Variants in DHRS4L2 observed in about 807,000 individuals in gnomAD.
DHRS4L2 encodes the protein dehydrogenase/reductase SDR family member 4-like 2.
Under a neutral mutation model 23.9 loss-of-function variants are expected in DHRS4L2, and 22 were observed. That is an observed-to-expected ratio of 0.92 (90% CI 0.66 to 1.31). DHRS4L2 has a LOEUF of 1.31. Among genes scored for constraint, DHRS4L2 ranks in the 40% most tolerant of loss-of-function variants. DHRS4L2 has a pLI of 0.00. For missense variants in DHRS4L2, 385 were observed against 303.3 expected, an observed-to-expected ratio of 1.27 and a Z score of -2.00; for synonymous variants, 141 against 123.7, an observed-to-expected ratio of 1.14 and a Z score of -0.93.
At chr14:23,992,962 G>A (rs1486718154) in intron 2 of DHRS4L2, among the ~76,000 whole-genome samples, 4 of 147,564 alleles carry the variant, frequency 2.7e-5, no homozygotes, top group African/African-American at 1.0e-4. Flanking sequence ...TTATAGGTGT[G>A]AGCCACCACA....
At chr14:23,987,972 A>T (rs2034185187), upstream of DHRS4L2, among the ~76,000 whole-genome samples, 1 of 151,708 alleles carries the variant, frequency 6.6e-6, no homozygotes, top group Admixed American at 6.6e-5. Flanking sequence ...GTGGAGACTG[A>T]AGTCTTGGAC....
In DHRS4L2 at chr14:23,997,869, G is replaced by A. The variant is rs1174960440; in HGVS notation, c.408+2736G>A. Among the ~76,000 whole-genome samples, 3 of 151,766 alleles carry A rather than the reference G, an allele frequency of 2.0e-5. 1 individual carries two copies. The highest frequency in any genetic ancestry group is 4.2e-4 in the South Asian group (2 of 4,784). On this transcript the variant is annotated intron_variant, in intron 3 of 7. Coordinates refer to ENST00000335125, the MANE Select transcript of DHRS4L2 (RefSeq NM_198083.4). ...CCCATGAATCACAAATATTCTTAAT[G>A]GCATCTAAAATGGTGCATCCTTTAC...
At chr14:23,994,559 G>C (rs371563000) in intron 2 of DHRS4L2, among the ~76,000 whole-genome samples, 2 of 151,380 alleles carry the variant, frequency 1.3e-5, no homozygotes, top group Non-Finnish European at 2.9e-5. Flanking sequence ...GTGGTGGCAC[G>C]CACTTCTACT....
At chr14:23,984,186 A>T (rs1248025317), upstream of DHRS4L2, among the ~76,000 whole-genome samples, 1 of 151,560 alleles carries the variant, frequency 6.6e-6, no homozygotes, top group Non-Finnish European at 1.5e-5. Context: ...TGTATAGGAA[A>T]CTTCTGGAAA....
In DHRS4L2 at chr14:24,001,484, A is replaced by T; in HGVS notation, c.632A>T (p.His211Leu). The change falls in exon 6 of 8, where the codon CAC becomes CTC. Residue 211 changes from histidine (H) to leucine (L), a missense_variant. By Grantham distance (99) the His-to-Leu change is moderately conservative. Coordinates refer to ENST00000335125, the MANE Select transcript of DHRS4L2 (RefSeq NM_198083.4). ...AGGAACATTAGGGTGAACTGCCTGCACCTGGACTTATCAAGACTAGCTTCA... is the reference window on the plus strand; with the variant it reads ...AGGAACATTAGGGTGAACTGCCTGCTCCTGGACTTATCAAGACTAGCTTCA... ...APRNIRVNCL[H>L]LDLSRLASAG... 1 of 1,599,596 alleles carries T rather than the reference A, an allele frequency of 6.3e-7. No individual in the cohort carries two copies. The highest frequency in any genetic ancestry group is 8.5e-7 in the Non-Finnish European group (1 of 1,175,204).
rs536553696 is a variant in DHRS4L2, at chr14:24,001,199, G to A, written c.531+115G>A. On this transcript the variant is annotated intron_variant, in intron 5 of 7. Transcript: ENST00000335125. ...TGTAGAATCACACCACCAAGTCCCT[G>A]CCCACAAAATAGATGCCTTGCCTCC... is the stretch of plus-strand genomic sequence containing the variant. 8.8e-6 allele frequency: 14 copies of A among 1,595,654 alleles called. No homozygotes were observed. The East Asian group carries it at 2.9e-4, about 33-fold the overall frequency.
intron 1 of DHRS4L2, among the ~76,000 whole-genome samples, chr14:23,975,453 A>G (rs548748522): frequency 6.6e-6 from 1 of 151,922 alleles, no homozygotes; most frequent in Admixed American, 6.6e-5. Context: ...ATGGAAGAAT[A>G]TTGCATGCTC....
chr14:23,984,486 G>A (rs544315370), upstream of DHRS4L2, among the ~76,000 whole-genome samples: 69 of 151,454 alleles, frequency 4.6e-4, 1 homozygote, highest in African/African-American at 1.6e-3. Context: ...TCACTCACTC[G>A]ACTTTCACAT....
intron 3 of DHRS4L2, among the ~76,000 whole-genome samples, chr14:23,998,320 T>C (rs1297851191): frequency 6.6e-6 from 1 of 151,778 alleles, no homozygotes; most frequent in Non-Finnish European, 1.5e-5. Flanking sequence ...TGGCTTCAAC[T>C]TAAAGTCACT....
intron 1 of DHRS4L2, 33 bp from the exon 2 acceptor site, chr14:23,990,149 G>C: frequency 6.2e-7 from 1 of 1,611,480 alleles, no homozygotes; most frequent in Non-Finnish European, 8.5e-7. Context: ...CCCTGCACAG[G>C]CCTTAGCAGT....
At chr14:23,991,036 C>A (rs1169899662) in intron 2 of DHRS4L2, 11 of 327,920 alleles carry the variant, frequency 3.4e-5, no homozygotes, top group African/African-American at 6.7e-5. Flanking sequence ...GCTGAAGCAA[C>A]TATGAAGCAT....
rs1389930424 is a variant in DHRS4L2, at chr14:23,990,375, A to G, written c.306+16A>G. 6.2e-7 allele frequency: 1 copy of G among 1,604,418 alleles called. No individual in the cohort carries two copies. The highest frequency in any genetic ancestry group is 8.5e-7 in the Non-Finnish European group (1 of 1,175,376). ...GGTGGCCATGGTGAGCTGCAGGGAA[A>G]TGGGCACAGAGCCAGGAGGTGGAAA... On this transcript the variant is annotated intron_variant, in intron 2 of 7. Transcript: ENST00000335125.
chr14:23,970,344 A>C (rs1341069600), intron 1 of DHRS4L2: 3 of 394,162 alleles, frequency 7.6e-6, no homozygotes, highest in East Asian at 8.8e-5. Context: ...TAGGGTGGAG[A>C]GGGCGGTGGG....
upstream of DHRS4L2, among the ~76,000 whole-genome samples, chr14:23,985,258 A>G (rs2034119604): frequency 6.6e-6 from 1 of 151,668 alleles, no homozygotes; most frequent in Non-Finnish European, 1.5e-5. Context: ...TTGGCTCCCT[A>G]CATTAAAACA....
chr14:23,993,482 A>G (rs1474581647), intron 2 of DHRS4L2, among the ~76,000 whole-genome samples: 1 of 151,610 alleles, frequency 6.6e-6, no homozygotes, highest in East Asian at 1.9e-4. Flanking sequence ...AATCCAGAGC[A>G]CAAAGTTGAC....
intron 3 of DHRS4L2, among the ~76,000 whole-genome samples, chr14:23,997,629 C>T (rs2034405873): frequency 6.8e-6 from 1 of 146,754 alleles, no homozygotes; most frequent in African/African-American, 2.7e-5. Flanking sequence ...ACTTTCTTTG[C>T]TTATCCGTAC....
upstream of DHRS4L2, among the ~76,000 whole-genome samples, chr14:23,985,554 G>A (rs1303030719): frequency 6.6e-6 from 1 of 151,662 alleles, no homozygotes. Context: ...CCTTGAAAAG[G>A]ATGAGAGTAG....
chr14:23,993,980 A>G (rs1352690107), intron 2 of DHRS4L2, among the ~76,000 whole-genome samples: 1 of 151,666 alleles, frequency 6.6e-6, no homozygotes, highest in African/African-American at 2.4e-5. Flanking sequence ...TCCCAAACAC[A>G]GAATAAGCAG....
chr14:23,994,947 C>A (rs1158238806), intron 2 of DHRS4L2, 85 bp from the exon 3 acceptor site: 72 of 1,525,110 alleles, frequency 4.7e-5, no homozygotes, highest in Non-Finnish European at 5.5e-5. Flanking sequence ...CAGCTCCTTG[C>A]CCAGAAGGAA....
Sources: allele counts gnomAD v4.1 joint callset (sites outside exome capture counted in the v4.1 genomes callset), GRCh38; gene constraint gnomAD v4.1.1; transcripts MANE v1.5; gene names NCBI Gene and HGNC (gene_info 2026-07-23, HGNC 2026-07-21).